The following RANBP17 variants were observed in gnomAD, a reference collection of about 807,000 sequenced individuals.
RANBP17 encodes the protein RAN binding protein 17.
Under a neutral mutation model 141.2 loss-of-function variants are expected in RANBP17, and 158 were observed. That is an observed-to-expected ratio of 1.12 (90% CI 0.98 to 1.28). RANBP17 has a LOEUF of 1.28. Ranked by LOEUF, RANBP17 falls within the 50% of genes most tolerant of loss-of-function variation. The pLI is 0.00. For missense variants in RANBP17, 1,438 were observed against 1,290.7 expected (o/e 1.11, Z -1.75); for synonymous variants, 430 against 450.0 (o/e 0.96, Z 0.56).
At chr5:171,228,321 A>G (rs1369993494) in intron 22 of RANBP17, among the ~76,000 whole-genome samples, 1 of 152,212 alleles carries the variant, frequency 6.6e-6, no homozygotes, top group Non-Finnish European at 1.5e-5. Context: ...AGAGTTCAAG[A>G]CTTCAGGGGA....
intron 14 of RANBP17, among the ~76,000 whole-genome samples, chr5:171,017,514 G>T (rs1031100902): frequency 3.3e-5 from 5 of 152,056 alleles, no homozygotes; most frequent in Admixed American, 2.6e-4. Flanking sequence ...GTGATGTTAA[G>T]TTTTTTTCCA....
At chr5:171,217,444 T>C (rs1203219782) in intron 21 of RANBP17, among the ~76,000 whole-genome samples, 2 of 152,164 alleles carry the variant, frequency 1.3e-5, no homozygotes, top group Non-Finnish European at 2.9e-5. Context: ...TAAGGAGGGG[T>C]CTGTCTTTTT....
chr5:171,160,112 G>A (rs763190150), intron 14 of RANBP17, among the ~76,000 whole-genome samples: 1 of 152,010 alleles, frequency 6.6e-6, no homozygotes, highest in Non-Finnish European at 1.5e-5. Flanking sequence ...TGAAAGCTTT[G>A]AATCTGGCAA....
intron 14 of RANBP17, among the ~76,000 whole-genome samples, chr5:170,986,094 T>G (rs996226620): frequency 1.3e-5 from 2 of 152,130 alleles, no homozygotes; most frequent in African/African-American, 4.8e-5. Flanking sequence ...GCTTGTTGTC[T>G]TGGCAGATTG....
At chr5:171,136,854 C>A (rs979207713) in intron 14 of RANBP17, among the ~76,000 whole-genome samples, 2 of 152,044 alleles carry the variant, frequency 1.3e-5, no homozygotes, top group Non-Finnish European at 2.9e-5. Context: ...GAAGCTGTAT[C>A]GTTTGAGTGG....
chr5:171,258,804 G>A (rs1766092396), intron 24 of RANBP17, among the ~76,000 whole-genome samples: 1 of 152,114 alleles, frequency 6.6e-6, no homozygotes, highest in African/African-American at 2.4e-5. Flanking sequence ...AAACTCTTCT[G>A]AACATTGATC....
At chr5:171,160,232 T>C (rs1759242527) in intron 14 of RANBP17, among the ~76,000 whole-genome samples, 1 of 152,184 alleles carries the variant, frequency 6.6e-6, no homozygotes, top group Admixed American at 6.5e-5. Flanking sequence ...TTTATTTCTT[T>C]GCAAGACTCA....
At chr5:171,138,513 G>A (rs1427075353) in intron 14 of RANBP17, among the ~76,000 whole-genome samples, 2 of 148,246 alleles carry the variant, frequency 1.3e-5, no homozygotes, top group African/African-American at 5.1e-5. Context: ...GTCCCACCAG[G>A]CAGTTTCTCC....
intron 14 of RANBP17, among the ~76,000 whole-genome samples, chr5:170,993,057 AT>A (rs1199836643): frequency 6.6e-6 from 1 of 152,020 alleles, no homozygotes; most frequent in Non-Finnish European, 1.5e-5. Context: ...GTTTGGTAAT[AT>A]CCCCTGCCCC....
intron 14 of RANBP17, among the ~76,000 whole-genome samples, chr5:171,093,676 T>C (rs1786476924): frequency 6.6e-6 from 1 of 152,242 alleles, no homozygotes; most frequent in Non-Finnish European, 1.5e-5. Context: ...TTCAGTTTAG[T>C]TTTATGCAGT....
intron 14 of RANBP17, chr5:171,028,907 A>G: frequency 1.6e-6 from 2 of 1,288,692 alleles, no homozygotes; most frequent in Non-Finnish European, 2.0e-6. Context: ...CTTGTGGCAA[A>G]CCTATCCAAC....
At chr5:171,284,821 C>T (rs1423057328) in intron 25 of RANBP17, 2 of 152,222 alleles carry the variant, frequency 1.3e-5, no homozygotes, top group African/African-American at 2.4e-5. Context: ...TCTTACCTTG[C>T]CTCTGGTACT....
chr5:171,184,463 G>T (rs1264295728), intron 18 of RANBP17, among the ~76,000 whole-genome samples: 1 of 152,156 alleles, frequency 6.6e-6, no homozygotes, highest in Non-Finnish European at 1.5e-5. Context: ...TAGAATGGTG[G>T]TTACTAAGAG....
chr5:170,877,641 C>A (rs561540210), intron 1 of RANBP17, among the ~76,000 whole-genome samples: 1 of 152,288 alleles, frequency 6.6e-6, no homozygotes, highest in Admixed American at 6.5e-5. Context: ...ATCCATCTCC[C>A]TAACCTCATC....
chr5:171,106,628 G>A (rs908183212), intron 14 of RANBP17, among the ~76,000 whole-genome samples: 2 of 152,014 alleles, frequency 1.3e-5, no homozygotes, highest in African/African-American at 4.8e-5. Flanking sequence ...AATCCATTTG[G>A]GCATCGATTT....
In RANBP17 at chr5:170,925,963, TTC is replaced by T. The variant is rs1343140177; in HGVS notation, c.1468+1415_1468+1416del. ...ATTCTCTTGTTAATAGGTATTTGTT[TTC>T]TGTTTTTTGCTAATAAAATCAGTGC... is the stretch of plus-strand genomic sequence containing the variant. On this transcript the variant is annotated intron_variant, in intron 12 of 27. Transcript: ENST00000523189. Among the ~76,000 whole-genome samples, 2 of 152,208 alleles carry T rather than the reference TTC, an allele frequency of 1.3e-5. 1 individual carries two copies. Among genetic ancestry groups the T allele is most frequent in the South Asian group, 4.1e-4 (2 of 4,822 alleles).
intron 18 of RANBP17, among the ~76,000 whole-genome samples, chr5:171,187,608 A>C (rs983198815): frequency 6.6e-6 from 1 of 152,166 alleles, no homozygotes; most frequent in African/African-American, 2.4e-5. Context: ...GCATGTAGGT[A>C]ATTTTTTCTA....
chr5:171,133,906 G>T (rs1488534871), intron 14 of RANBP17, among the ~76,000 whole-genome samples: 1 of 152,154 alleles, frequency 6.6e-6, no homozygotes, highest in African/African-American at 2.4e-5. Flanking sequence ...GGTCTTTTAA[G>T]TATCTATACA....
chr5:171,047,946 T>C (rs1471736552), intron 14 of RANBP17, among the ~76,000 whole-genome samples: 1 of 152,220 alleles, frequency 6.6e-6, no homozygotes, highest in East Asian at 1.9e-4. Context: ...GAGAAATCTT[T>C]GACTAATTCT....
Sources: allele counts gnomAD v4.1 joint callset (sites outside exome capture counted in the v4.1 genomes callset), GRCh38; gene constraint gnomAD v4.1.1; transcripts MANE v1.5; gene names NCBI Gene and HGNC (gene_info 2026-07-23, HGNC 2026-07-21).